CCDC6: variants seen among roughly 807,000 people sequenced by gnomAD.
CCDC6 encodes the protein coiled-coil domain-containing protein 6.
In CCDC6, 20 loss-of-function variants were observed where a neutral mutation model predicts 56.6. That is an observed-to-expected ratio of 0.35 (90% CI 0.25 to 0.51). The LOEUF (loss-of-function observed/expected upper bound fraction) is 0.51. Among genes scored for constraint, CCDC6 ranks in the 20% least tolerant of loss-of-function variants. The pLI is 0.95. For synonymous variants in CCDC6, 241 were observed against 234.4 expected, an observed-to-expected ratio of 1.03 and a Z score of -0.26; for missense variants, 367 against 601.1, an observed-to-expected ratio of 0.61 and a Z score of 4.07.
At chr10:59,857,547 A>G (rs1028466537) in intron 1 of CCDC6, among the ~76,000 whole-genome samples, 2 of 152,214 alleles carry the variant, frequency 1.3e-5, no homozygotes. Flanking sequence ...TGCAATTCAT[A>G]ATCTATTAAG....
intron 7 of CCDC6, among the ~76,000 whole-genome samples, chr10:59,796,970 C>CAA (rs56723229): frequency 2.2e-4 from 27 of 120,052 alleles, no homozygotes; most frequent in African/African-American, 2.5e-4. Context: ...GATTCCATCT[C>CAA]AAAAAAAAAA....
intron 2 of CCDC6, among the ~76,000 whole-genome samples, chr10:59,846,794 C>T (rs556041321): frequency 6.6e-6 from 1 of 152,182 alleles, no homozygotes; most frequent in Non-Finnish European, 1.5e-5. Flanking sequence ...CTCTTCCTAC[C>T]CCAGTTGTAA....
At chr10:59,906,072 C>A (rs1466635540) in intron 1 of CCDC6, 50 bp downstream of exon 1, 1 of 1,491,814 alleles carries the variant, frequency 6.7e-7, no homozygotes, top group African/African-American at 1.4e-5. Flanking sequence ...GCAGCCCCTC[C>A]CGGGGCGGGC....
intron 6 of CCDC6, among the ~76,000 whole-genome samples, chr10:59,805,896 C>T (rs10761415): frequency 0.51 from 77,286 of 152,008 alleles, 21,050 homozygotes; most frequent in African/African-American, 0.72. Flanking sequence ...CCTCTAGATC[C>T]ATTCCATAAT....
intron 1 of CCDC6, among the ~76,000 whole-genome samples, chr10:59,863,798 C>G (rs1377836885): frequency 2.0e-5 from 3 of 152,118 alleles, no homozygotes; most frequent in African/African-American, 7.2e-5. Context: ...CAAGGAGATA[C>G]AGACTTAAAT....
At chr10:59,897,209 T>C (rs2071470302) in intron 1 of CCDC6, among the ~76,000 whole-genome samples, 1 of 152,098 alleles carries the variant, frequency 6.6e-6, no homozygotes, top group South Asian at 2.1e-4. Context: ...ACAAAAAACA[T>C]CTCTCAGTAG....
At chr10:59,872,441 A>G (rs1259009794) in intron 1 of CCDC6, among the ~76,000 whole-genome samples, 2 of 152,212 alleles carry the variant, frequency 1.3e-5, no homozygotes, top group Non-Finnish European at 2.9e-5. Flanking sequence ...AGAAAATGGT[A>G]GCCAATTTAC....
chr10:59,906,398 G>A lies in CCDC6; in HGVS notation c.27C>T (p.Asp9=). MADSASES[D]TDGAGGNSSS... is the part of the protein sequence containing the mutation. ...TGCTGTTGCCCCCCGCCCCGTCCGTGTCGCTCTCGCTGGCGCTGTCCGCCA... is the reference window on the plus strand; with the variant it reads ...TGCTGTTGCCCCCCGCCCCGTCCGTATCGCTCTCGCTGGCGCTGTCCGCCA... The change falls in exon 1 of 9, where the codon GAC becomes GAT. Residue 9 remains aspartate, a synonymous_variant. Coordinates refer to ENST00000263102, the MANE Select transcript of CCDC6 (RefSeq NM_005436.5). The A allele has an allele frequency of 6.3e-7, 1 of 1,579,862 alleles. No homozygotes were observed. Among genetic ancestry groups the A allele is most frequent in the Non-Finnish European group, 8.5e-7 (1 of 1,172,238 alleles).
intron 3 of CCDC6, among the ~76,000 whole-genome samples, chr10:59,830,886 T>G (rs748948226): frequency 1.3e-5 from 2 of 152,124 alleles, no homozygotes; most frequent in Non-Finnish European, 2.9e-5. Flanking sequence ...TGTGAACAAA[T>G]ACCAGAGAGA....
At chr10:59,852,826 T>C in intron 1 of CCDC6, 124 bp from the exon 2 acceptor site, 2 of 709,606 alleles carry the variant, frequency 2.8e-6, no homozygotes, top group Non-Finnish European at 4.2e-6. Flanking sequence ...GCTCTATTTT[T>C]AGCTGTGAAC....
chr10:59,832,858 C>A (rs1240660138), intron 2 of CCDC6, among the ~76,000 whole-genome samples: 8 of 152,148 alleles, frequency 5.3e-5, no homozygotes, highest in Non-Finnish European at 1.5e-5. Flanking sequence ...AATGGAAATG[C>A]AATTTGTGTT....
At chr10:59,815,708 G>C (rs1405947547) in intron 3 of CCDC6, among the ~76,000 whole-genome samples, 1 of 152,168 alleles carries the variant, frequency 6.6e-6, no homozygotes, top group Non-Finnish European at 1.5e-5. Flanking sequence ...TTAATGCAAA[G>C]AGCCTATGCT....
chr10:59,826,389 T>A (rs1020809526), intron 3 of CCDC6, among the ~76,000 whole-genome samples: 1 of 152,226 alleles, frequency 6.6e-6, no homozygotes, highest in Non-Finnish European at 1.5e-5. Context: ...TGGCTGAACA[T>A]AGACCCACTT....
chr10:59,806,142 T>C (rs970031339), intron 6 of CCDC6, among the ~76,000 whole-genome samples: 3 of 152,244 alleles, frequency 2.0e-5, no homozygotes, highest in African/African-American at 7.2e-5. Flanking sequence ...GCAGAAATGA[T>C]CTGGTTCAGA....
At chr10:59,832,411 G>C in intron 3 of CCDC6, 114 bp downstream of exon 3, 2 of 910,672 alleles carry the variant, frequency 2.2e-6, no homozygotes, top group East Asian at 2.5e-5. Flanking sequence ...TCCACAGTGG[G>C]GAGAGAAAGC....
chr10:59,905,430 G>T (rs1166054540), intron 1 of CCDC6, among the ~76,000 whole-genome samples: 1 of 152,178 alleles, frequency 6.6e-6, no homozygotes, highest in African/African-American at 2.4e-5. Context: ...CCCTTCCCCT[G>T]GTTTCGGCCC....
chr10:59,864,810 T>C (rs1000490746), intron 1 of CCDC6, among the ~76,000 whole-genome samples: 1 of 152,088 alleles, frequency 6.6e-6, no homozygotes, highest in Non-Finnish European at 1.5e-5. Flanking sequence ...AGAAACAGTA[T>C]AGACCTCCTC....
chr10:59,860,133 C>T (rs2071115845), intron 1 of CCDC6, among the ~76,000 whole-genome samples: 1 of 151,990 alleles, frequency 6.6e-6, no homozygotes, highest in Non-Finnish European at 1.5e-5. Context: ...AACAGTAAAC[C>T]CTCCAATCCC....
intron 1 of CCDC6, among the ~76,000 whole-genome samples, chr10:59,860,182 C>T (rs1206824173): frequency 6.6e-6 from 1 of 152,184 alleles, no homozygotes; most frequent in Non-Finnish European, 1.5e-5. Flanking sequence ...GCATGACAGG[C>T]ATAAGCAAAA....
Sources: gnomAD v4.1 joint callset for allele counts (sites outside exome capture counted in the v4.1 genomes callset) on GRCh38, gnomAD v4.1.1 for gene constraint, MANE v1.5 for transcripts, NCBI Gene and HGNC (gene_info 2026-07-23, HGNC 2026-07-21) for gene names.